The following MAMDC2 variants were observed in gnomAD, a reference collection of about 807,000 sequenced individuals.
MAMDC2 encodes the protein MAM domain-containing protein 2.
A neutral mutation model predicts 89.8 loss-of-function variants in MAMDC2; 57 were observed. The observed-to-expected ratio is 0.63, with a 90% CI of 0.51 to 0.79. The LOEUF (loss-of-function observed/expected upper bound fraction) is 0.79. MAMDC2 is among the 30% of genes least tolerant of loss of function. The probability of loss-of-function intolerance (pLI) is 0.00; values close to 1 mark genes in which losing one functional copy is unlikely to be tolerated. For synonymous variants in MAMDC2, 313 were observed against 293.4 expected (o/e 1.07, Z -0.68); for missense variants, 800 against 820.6 (o/e 0.97, Z 0.31).
chr9:70,191,548 C>A (rs2032880700), intron 11 of MAMDC2, among the ~76,000 whole-genome samples: 1 of 151,306 alleles, frequency 6.6e-6, no homozygotes, highest in African/African-American at 2.4e-5. Flanking sequence ...ATGGACTTGT[C>A]AGTGAAAAAT....
intron 11 of MAMDC2, among the ~76,000 whole-genome samples, chr9:70,209,230 GT>G (rs1231554291): frequency 3.9e-5 from 6 of 152,144 alleles, no homozygotes; most frequent in Non-Finnish European, 7.3e-5. Flanking sequence ...TGTACCTCTG[GT>G]AGAATTCGGC....
At chr9:70,215,831 A>T (rs2033435900) in intron 11 of MAMDC2, among the ~76,000 whole-genome samples, 1 of 152,146 alleles carries the variant, frequency 6.6e-6, no homozygotes, top group South Asian at 2.1e-4. Flanking sequence ...ACACTGGGGG[A>T]AGAGGTTGCA....
chr9:70,178,634 C>T (rs1188535322), intron 11 of MAMDC2, among the ~76,000 whole-genome samples: 4 of 152,182 alleles, frequency 2.6e-5, no homozygotes, highest in African/African-American at 9.7e-5. Flanking sequence ...AGAATTAAAC[C>T]TCTCATAACT....
intron 12 of MAMDC2, among the ~76,000 whole-genome samples, chr9:70,218,940 T>C (rs2033501636): frequency 6.6e-6 from 1 of 152,252 alleles, no homozygotes. Flanking sequence ...ATTACCTAAT[T>C]AGTTGCAGCT....
chr9:70,138,486 G>C (rs1342478114), intron 7 of MAMDC2, among the ~76,000 whole-genome samples: 1 of 152,146 alleles, frequency 6.6e-6, no homozygotes, highest in Non-Finnish European at 1.5e-5. Flanking sequence ...TCTCCACACT[G>C]TTTTCCATAG....
chr9:70,150,691 C>A (rs1587517055), intron 9 of MAMDC2, among the ~76,000 whole-genome samples: 1 of 152,194 alleles, frequency 6.6e-6, no homozygotes, highest in East Asian at 1.9e-4. Context: ...CCAGACGAAA[C>A]CCTTCAGTGA....
intron 9 of MAMDC2, chr9:70,153,124 T>C (rs1028244235): frequency 6.6e-6 from 1 of 152,232 alleles, no homozygotes; most frequent in Admixed American, 6.5e-5. Context: ...GCTGCTTTTA[T>C]ACAATTATAA....
intron 2 of MAMDC2, among the ~76,000 whole-genome samples, chr9:70,070,001 A>C (rs1173171714): frequency 6.6e-6 from 1 of 152,208 alleles, no homozygotes; most frequent in Non-Finnish European, 1.5e-5. Flanking sequence ...AGGTGTTTGC[A>C]AAAGGGATGA....
intron 11 of MAMDC2, 70 bp from the exon 12 acceptor site, chr9:70,218,267 G>A (rs1459519361): frequency 2.6e-6 from 4 of 1,510,816 alleles, no homozygotes; most frequent in African/African-American, 2.8e-5. Context: ...CACTCTGAAA[G>A]AACATTATGA....
chr9:70,218,110 T>C (rs1440587910), intron 11 of MAMDC2, among the ~76,000 whole-genome samples: 1 of 152,372 alleles, frequency 6.6e-6, no homozygotes, highest in East Asian at 1.9e-4. Context: ...ACCTCTTGTA[T>C]ATTAAACTGA....
intron 10 of MAMDC2, 112 bp downstream of exon 10, chr9:70,168,907 G>A (rs1587538250): frequency 2.3e-6 from 2 of 877,588 alleles, no homozygotes; most frequent in Non-Finnish European, 3.6e-6. Context: ...TGCTTTTGTT[G>A]ACAAAGTGTC....
At chr9:70,165,698 A>T (rs1198214108) in intron 9 of MAMDC2, among the ~76,000 whole-genome samples, 1 of 152,248 alleles carries the variant, frequency 6.6e-6, no homozygotes, top group Non-Finnish European at 1.5e-5. Context: ...TCTATCCAAT[A>T]GAACTTTCTG....
chr9:70,074,504 G>T (rs1827484246), intron 2 of MAMDC2, among the ~76,000 whole-genome samples: 1 of 152,218 alleles, frequency 6.6e-6, no homozygotes, highest in African/African-American at 2.4e-5. Context: ...TGCAGAGGCT[G>T]CAGTACCCTT....
chr9:70,069,082 G>T (rs1827338203), intron 2 of MAMDC2, among the ~76,000 whole-genome samples: 1 of 152,212 alleles, frequency 6.6e-6, no homozygotes, highest in African/African-American at 2.4e-5. Context: ...TAGAAGGATT[G>T]TGTGTGCACA....
At chr9:70,221,370 T>TAA (rs1274916631) in intron 12 of MAMDC2, among the ~76,000 whole-genome samples, 1 of 7,158 alleles carries the variant, frequency 1.4e-4, no homozygotes, top group Non-Finnish European at 2.9e-4. Flanking sequence ...TATATATATA[T>TAA]ATATATATAT....
chr9:70,152,765 T>G (rs2031624052), intron 9 of MAMDC2, among the ~76,000 whole-genome samples: 1 of 152,216 alleles, frequency 6.6e-6, no homozygotes, highest in Non-Finnish European at 1.5e-5. Flanking sequence ...TTATGTAACC[T>G]TCCTGAGCCT....
chr9:70,055,742 T>C (rs1052943892), intron 2 of MAMDC2, among the ~76,000 whole-genome samples: 3 of 152,206 alleles, frequency 2.0e-5, no homozygotes, highest in Non-Finnish European at 4.4e-5. Context: ...TTGGAACCAT[T>C]TGAAGGATTC....
chr9:70,195,118 A>C (rs1259726643), intron 11 of MAMDC2, among the ~76,000 whole-genome samples: 3 of 152,156 alleles, frequency 2.0e-5, no homozygotes, highest in Non-Finnish European at 2.9e-5. Context: ...AAAGAAAAAC[A>C]TTAAATGAAT....
chr9:70,221,374 T>TAGAGAGAG (rs1327310408), intron 12 of MAMDC2, among the ~76,000 whole-genome samples: 1 of 6,480 alleles, frequency 1.5e-4, no homozygotes, highest in Non-Finnish European at 3.3e-4. Flanking sequence ...TATATATATA[T>TAGAGAGAG]ATATATAGAG....
Sources: allele counts gnomAD v4.1 joint callset (sites outside exome capture counted in the v4.1 genomes callset), GRCh38; gene constraint gnomAD v4.1.1; transcripts MANE v1.5; gene names NCBI Gene and HGNC (gene_info 2026-07-23, HGNC 2026-07-21).